Variants in WWTR1 observed in about 807,000 individuals in gnomAD.
WWTR1 encodes WW domain containing transcription regulator 1.
In WWTR1, 13 loss-of-function variants were observed where a neutral mutation model predicts 40.1. The observed-to-expected ratio is 0.32, with a 90% confidence interval of 0.21 to 0.52. WWTR1 has a LOEUF of 0.52. WWTR1 is among the 20% of genes least tolerant of loss of function. WWTR1 has a pLI of 0.97. For synonymous variants in WWTR1, 230 were observed against 210.1 expected (o/e 1.09, Z -0.82); for missense variants, 436 against 523.1 (o/e 0.83, Z 1.63).
Position 149,520,786 on chromosome 3 carries a change from C to A in WWTR1, c.*19G>T. On this transcript the variant is annotated 3_prime_UTR_variant, in exon 7 of 7. Coordinates refer to ENST00000360632, the MANE Select transcript of WWTR1 (RefSeq NM_015472.6). Reference sequence around the variant, plus strand: ...GGAAATGTAAGGTCATGGCTACATCCAAGTTACAATGGTAGTGATTACAGC... The same window carrying A: ...GGAAATGTAAGGTCATGGCTACATCAAAGTTACAATGGTAGTGATTACAGC... The A allele has an allele frequency of 6.5e-7, 1 of 1,543,754 alleles. No individual in the cohort carries two copies. The highest frequency in any genetic ancestry group is 8.7e-7 in the Non-Finnish European group (1 of 1,148,384).
At chr3:149,591,581 T>C (rs1188157387) in intron 2 of WWTR1, among the ~76,000 whole-genome samples, 1 of 152,042 alleles carries the variant, frequency 6.6e-6, no homozygotes, top group Non-Finnish European at 1.5e-5. Context: ...TCACTTTTCC[T>C]AAATTTTCTC....
chr3:149,568,541 A>C (rs973873003), intron 3 of WWTR1, among the ~76,000 whole-genome samples: 14 of 141,744 alleles, frequency 9.9e-5, no homozygotes, highest in African/African-American at 2.7e-4. Context: ...AAAAAAAAAA[A>C]AAAAAAAAAA....
chr3:149,668,998 T>C (rs1713954564), intron 2 of WWTR1, among the ~76,000 whole-genome samples: 1 of 152,172 alleles, frequency 6.6e-6, no homozygotes, highest in Non-Finnish European at 1.5e-5. Flanking sequence ...CTTTACAGCC[T>C]CCAACACAAG....
chr3:149,628,918 C>A (rs953111755), intron 2 of WWTR1, among the ~76,000 whole-genome samples: 1 of 151,834 alleles, frequency 6.6e-6, no homozygotes, highest in Non-Finnish European at 1.5e-5. Flanking sequence ...GGACCACAGA[C>A]ACATACCACC....
At chr3:149,655,058 G>A (rs941587612) in intron 2 of WWTR1, among the ~76,000 whole-genome samples, 25 of 151,720 alleles carry the variant, frequency 1.6e-4, no homozygotes, top group African/African-American at 5.1e-4. Flanking sequence ...CCCGGTAGGC[G>A]GAGCTTGCAG....
In WWTR1 at chr3:149,603,550, AC is replaced by A. The variant is rs572881301; in HGVS notation, c.432-30551del. On this transcript the variant is annotated intron_variant, in intron 2 of 6. Transcript: ENST00000360632. ...AATAATTTAGTTACAAAGGTTCCCC[AC>A]CCCCCCCTTGTACTCCACTCTAATT... Among the ~76,000 whole-genome samples the A allele has an allele frequency of 1.4e-4, 20 of 140,594 alleles. No individual in the cohort carries two copies. The Middle Eastern group carries it at 0.01, about 72-fold the overall frequency. 92.2% of individuals were successfully genotyped at this position (140,594 alleles called of 152,430 possible).
chr3:149,586,214 G>A (rs1401605548), intron 2 of WWTR1, among the ~76,000 whole-genome samples: 1 of 151,612 alleles, frequency 6.6e-6, no homozygotes, highest in Non-Finnish European at 1.5e-5. Context: ...AAACTTATAG[G>A]AAAGTTGCAA....
At position 149,657,945 on chromosome 3, in the gene WWTR1, C is replaced by G. The variant is rs1713358644; in HGVS notation, c.-184G>C. 2 of 152,624 alleles carry G rather than the reference C, an allele frequency of 1.3e-5. No homozygotes were observed. The highest frequency in any genetic ancestry group is 2.9e-5 in the Non-Finnish European group (2 of 68,384). 9.5% of individuals were successfully genotyped at this position (152,624 alleles called of 1,614,324 possible). A position where few individuals can be genotyped will look rare whatever the true frequency, so the allele number is the denominator to read the frequency against. ...TAAGGGCTTCGGCTCTCACATCCCC[C>G]GAGCTGGCCTAAGGCGCTAGTGCTG... On this transcript the variant is annotated 5_prime_UTR_variant, in exon 1 of 7. Transcript: ENST00000360632.
At chr3:149,632,931 A>G (rs1711615847) in intron 2 of WWTR1, among the ~76,000 whole-genome samples, 2 of 152,234 alleles carry the variant, frequency 1.3e-5, no homozygotes, top group Admixed American at 1.3e-4. Context: ...GGCATGGCTA[A>G]TAGCTATCTA....
chr3:149,603,147 A>G (rs927038191), intron 2 of WWTR1, among the ~76,000 whole-genome samples: 2 of 152,226 alleles, frequency 1.3e-5, no homozygotes, highest in South Asian at 4.1e-4. Flanking sequence ...GCTTTGAGGA[A>G]CAAGGGTCTC....
chr3:149,717,305 AAAC>A (rs544428875), intron 5 of WWTR1: 17 of 152,384 alleles, frequency 1.1e-4, no homozygotes, highest in African/African-American at 3.4e-4. Context: ...TTCAGCCTAA[AAAC>A]AATGAAAAGT....
rs75101031 is a variant in WWTR1, at chr3:149,600,574, T to C, written c.432-27574A>G. On this transcript the variant is annotated intron_variant, in intron 2 of 6. Transcript: ENST00000360632. ...ATTGATAATAAGCATTAGTTGTACC[T>C]CATGGGCCTGGCACCTTCCTTTATA... Among the ~76,000 whole-genome samples the C allele has an allele frequency of 1.4e-3, 220 of 152,312 alleles. 1 individual carries two copies. Among genetic ancestry groups the C allele is most frequent in the Non-Finnish European group, 2.3e-3 (159 of 68,032 alleles).
At chr3:149,524,830 G>C (rs1317003223) in intron 6 of WWTR1, among the ~76,000 whole-genome samples, 3 of 152,122 alleles carry the variant, frequency 2.0e-5, no homozygotes, top group Non-Finnish European at 2.9e-5. Flanking sequence ...AAACACTTTG[G>C]GGGAAGGAAT....
At chr3:149,693,180 T>C (rs1224010231) in intron 1 of WWTR1, among the ~76,000 whole-genome samples, 1 of 152,156 alleles carries the variant, frequency 6.6e-6, no homozygotes, top group Non-Finnish European at 1.5e-5. Flanking sequence ...CATTTCTATA[T>C]GCCAACAGCA....
At chr3:149,553,468 G>A (rs935578113) in intron 3 of WWTR1, among the ~76,000 whole-genome samples, 4 of 151,894 alleles carry the variant, frequency 2.6e-5, no homozygotes, top group African/African-American at 4.8e-5. Context: ...CCATTTGTGT[G>A]ACCTCACTTT....
In WWTR1 at chr3:149,561,848, T is replaced by A. The variant is rs1737093620; in HGVS notation, c.568+11016A>T. Among the ~76,000 whole-genome samples the A allele has an allele frequency of 2.6e-5, 4 of 152,154 alleles. 1 individual carries two copies. In the South Asian group the frequency reaches 8.3e-4, roughly 32 times the overall value. On this transcript the variant is annotated intron_variant, in intron 3 of 6. Coordinates refer to ENST00000360632, the MANE Select transcript of WWTR1 (RefSeq NM_015472.6). ...TCTAGAATAATGCTCAGGAAGCTGG[T>A]AGTAGTGTTTCCCTGGAAAGGAGAA...
chr3:149,528,026 A>G (rs746593618), intron 4 of WWTR1, 57 bp from the exon 5 acceptor site: 60 of 1,575,404 alleles, frequency 3.8e-5, no homozygotes, highest in Non-Finnish European at 5.0e-5. Flanking sequence ...GCATGGAGCA[A>G]AGTGTACTTC....
At chr3:149,632,012 T>C (rs1711567340) in intron 2 of WWTR1, among the ~76,000 whole-genome samples, 1 of 152,042 alleles carries the variant, frequency 6.6e-6, no homozygotes, top group Non-Finnish European at 1.5e-5. Flanking sequence ...CAGGCTCAAG[T>C]GATCCTCCCA....
chr3:149,698,280 T>C (rs778972513), intron 1 of WWTR1, among the ~76,000 whole-genome samples: 1 of 152,198 alleles, frequency 6.6e-6, no homozygotes, highest in African/African-American at 2.4e-5. Context: ...GTTCTCGTGA[T>C]AGTGAGTGAG....
Sources: gnomAD v4.1 joint callset for allele counts (sites outside exome capture counted in the v4.1 genomes callset) on GRCh38, gnomAD v4.1.1 for gene constraint, MANE v1.5 for transcripts, NCBI Gene and HGNC (gene_info 2026-07-23, HGNC 2026-07-21) for gene names.